The following BCAS3 variants were observed in gnomAD, a reference collection of about 807,000 sequenced individuals.
BCAS3 encodes BCAS3 microtubule associated cell migration factor.
BCAS3 carries 53 observed loss-of-function variants against 116.1 expected under a neutral mutation model. The ratio of observed to expected loss-of-function variants is 0.46; its 90% confidence interval spans 0.37 to 0.57. The LOEUF is 0.57. Among genes scored for constraint, BCAS3 ranks in the 20% least tolerant of loss-of-function variants. The pLI is 0.00. For missense variants in BCAS3, 917 were observed against 1,165.4 expected (o/e 0.79, Z 3.10); for synonymous variants, 391 against 408.2 (o/e 0.96, Z 0.51).
chr17:60,818,420 G>A (rs575472841), intron 7 of BCAS3, among the ~76,000 whole-genome samples: 22 of 152,226 alleles, frequency 1.4e-4, no homozygotes, highest in Middle Eastern at 3.4e-3. Flanking sequence ...TTCAACGTTT[G>A]TCTAATGTAA....
intron 22 of BCAS3, among the ~76,000 whole-genome samples, chr17:61,197,456 G>A (rs550262971): frequency 1.9e-4 from 29 of 152,166 alleles, no homozygotes; most frequent in Non-Finnish European, 3.7e-4. Context: ...TTGAGGCATT[G>A]TCTTAGAGAA....
At chr17:61,267,624 T>TAGGA (rs1555800817) in intron 22 of BCAS3, among the ~76,000 whole-genome samples, 13 of 146,616 alleles carry the variant, frequency 8.9e-5, no homozygotes, top group East Asian at 2.1e-4. Flanking sequence ...GTAATCCTCC[T>TAGGA]GGATTACAGG....
chr17:61,350,414 C>CAATAAATAAATA (rs55888678), intron 22 of BCAS3, among the ~76,000 whole-genome samples: 1,669 of 136,732 alleles, frequency 0.012, 19 homozygotes, highest in Admixed American at 0.016. Flanking sequence ...GACTCTGTCT[C>CAATAAATAAATA]AATAAATAAA....
chr17:61,275,476 T>TAGAA (rs2050688692), intron 22 of BCAS3, among the ~76,000 whole-genome samples: 2 of 151,994 alleles, frequency 1.3e-5, no homozygotes, highest in South Asian at 4.2e-4. Flanking sequence ...GCTCAGTGTT[T>TAGAA]AGCGGCAGAG....
At chr17:61,359,194 C>T (rs1441059272) in intron 22 of BCAS3, among the ~76,000 whole-genome samples, 1 of 152,152 alleles carries the variant, frequency 6.6e-6, no homozygotes, top group Non-Finnish European at 1.5e-5. Context: ...ACTCTCTTAG[C>T]CTTTCATAGA....
At chr17:61,167,214 G>A (rs1205577622) in intron 22 of BCAS3, among the ~76,000 whole-genome samples, 1 of 152,110 alleles carries the variant, frequency 6.6e-6, no homozygotes, top group Non-Finnish European at 1.5e-5. Context: ...CTTAAAAGAT[G>A]AAGAAATACC....
intron 6 of BCAS3, among the ~76,000 whole-genome samples, chr17:60,776,715 T>C: frequency 1.6e-5 from 2 of 126,896 alleles, no homozygotes; most frequent in East Asian, 2.2e-4. Flanking sequence ...TGAGACTCCG[T>C]CTCAAAAAAA....
rs779751375 is a variant in BCAS3 at position 61,363,287 on chromosome 17, A to G, written c.2426-5040A>G. 2.6e-5 allele frequency among the ~76,000 whole-genome samples: 4 copies of G among 152,232 alleles called. No homozygotes were observed. The highest frequency in any genetic ancestry group is 6.5e-5 in the Admixed American group (1 of 15,284). ...TTTCATCAACTTCACCTGGAAAGAT[A>G]GAGCACCTTTTATGCCGTTAGAGTT... On this transcript the variant is annotated intron_variant, in intron 22 of 23. Coordinates refer to ENST00000407086, the MANE Select transcript of BCAS3 (RefSeq NM_017679.5). The surrounding 1 kb of genome is among the most constrained non-coding windows in gnomAD (Gnocchi z 4.9).
rs1256105473 is a variant in BCAS3 at position 61,130,900 on chromosome 17, A to G, written c.2425+46336A>G. On this transcript the variant is annotated intron_variant, in intron 22 of 23. Coordinates refer to ENST00000407086, the MANE Select transcript of BCAS3 (RefSeq NM_017679.5). The surrounding 1 kb of genome is among the most constrained non-coding windows in gnomAD (Gnocchi z 5.0). The stretch of plus-strand genomic sequence containing the variant: ...GCAAAACCCCGTCTCTGCTAAAGAT[A>G]TAAAAATTAGCCTGGCCTGGTGGCG... The G allele has an allele frequency of 1.3e-5, 2 of 152,218 alleles. No individual in the cohort carries two copies. Among genetic ancestry groups the G allele is most frequent in the African/African-American group, 4.8e-5 (2 of 41,444 alleles). 9.4% of individuals were successfully genotyped at this position (152,218 alleles called of 1,614,324 possible).
rs373107708 is a variant in BCAS3 at position 60,967,609 on chromosome 17, T to C, written c.1221+20257T>C. On this transcript the variant is annotated intron_variant, in intron 14 of 23. Transcript: ENST00000407086. The surrounding 1 kb of genome is among the most constrained non-coding windows in gnomAD (Gnocchi z 4.7). ...TTAGAAAGTTTTCCATTATTATTTC[T>C]TTGGCTGCATTTTCTACCCTTTAGT... 6.6e-6 allele frequency among the ~76,000 whole-genome samples: 1 copy of C among 152,330 alleles called. No homozygotes were observed. Among genetic ancestry groups the C allele is most frequent in the African/African-American group, 2.4e-5 (1 of 41,570 alleles).
intron 5 of BCAS3, among the ~76,000 whole-genome samples, chr17:60,714,215 G>T (rs1217596020): frequency 6.6e-6 from 1 of 152,140 alleles, no homozygotes; most frequent in Non-Finnish European, 1.5e-5. Context: ...CAGTCCTCCT[G>T]CCGTGGCCTC....
chr17:60,811,783 C>T (rs2048850100), intron 7 of BCAS3, among the ~76,000 whole-genome samples: 1 of 152,222 alleles, frequency 6.6e-6, no homozygotes, highest in South Asian at 2.1e-4. Flanking sequence ...TGCAGTGGCT[C>T]ATGCCTATAA....
chr17:61,091,981 A>G (rs905591509), intron 22 of BCAS3, among the ~76,000 whole-genome samples: 3 of 152,214 alleles, frequency 2.0e-5, no homozygotes, highest in African/African-American at 7.2e-5. Context: ...AAAACATAGA[A>G]TATTTCCGTC....
intron 13 of BCAS3, among the ~76,000 whole-genome samples, chr17:60,938,365 G>GCT (rs1370169125): frequency 2.0e-5 from 3 of 152,178 alleles, no homozygotes; most frequent in Non-Finnish European, 4.4e-5. Context: ...ATAATGTCCA[G>GCT]AACAGTCATT....
intron 7 of BCAS3, among the ~76,000 whole-genome samples, chr17:60,855,285 A>G (rs1027367185): frequency 6.8e-6 from 1 of 147,600 alleles, no homozygotes; most frequent in African/African-American, 2.5e-5. Flanking sequence ...TTTTTAGTCT[A>G]CCTACCTTCT....
At chr17:60,931,617 A>T (rs781170646) in intron 13 of BCAS3, among the ~76,000 whole-genome samples, 12 of 152,072 alleles carry the variant, frequency 7.9e-5, no homozygotes, top group African/African-American at 1.2e-4. Context: ...ACTGATTCCT[A>T]TCTTAAATAT....
At chr17:61,053,593 C>T (rs1224257861) in intron 19 of BCAS3, among the ~76,000 whole-genome samples, 1 of 152,186 alleles carries the variant, frequency 6.6e-6, no homozygotes, top group African/African-American at 2.4e-5. Flanking sequence ...AACCTAACAT[C>T]CTGGATTGCA....
At chr17:60,841,602 G>A (rs1022849511) in intron 7 of BCAS3, among the ~76,000 whole-genome samples, 5 of 145,552 alleles carry the variant, frequency 3.4e-5, no homozygotes, top group Non-Finnish European at 6.0e-5. Context: ...CTGTGGTCTC[G>A]ATCTCCTGAC....
At position 61,347,989 on chromosome 17, in the gene BCAS3, G is replaced by T. The variant is rs1042610799; in HGVS notation, c.2426-20338G>T. Among the ~76,000 whole-genome samples, 1 of 152,210 alleles carries T rather than the reference G, an allele frequency of 6.6e-6. No individual in the cohort carries two copies. The highest frequency in any genetic ancestry group is 2.4e-5 in the African/African-American group (1 of 41,452). ...AATCCTGAGGGCAGATGAGTAAAAT[G>T]TTCAGATTCACATTGTAGAAAAGGT... On this transcript the variant is annotated intron_variant, in intron 22 of 23. Coordinates refer to ENST00000407086, the MANE Select transcript of BCAS3 (RefSeq NM_017679.5). The surrounding 1 kb of genome is among the most constrained non-coding windows in gnomAD (Gnocchi z 4.3).
Sources: gnomAD v4.1 joint callset for allele counts (sites outside exome capture counted in the v4.1 genomes callset) on GRCh38, gnomAD v4.1.1 for gene constraint, Gnocchi (gnomAD v3.1) non-coding constraint, MANE v1.5 for transcripts, NCBI Gene and HGNC (gene_info 2026-07-23, HGNC 2026-07-21) for gene names.